FHIT: variants seen among roughly 807,000 people sequenced by gnomAD.
The protein encoded by FHIT is bis(5'-adenosyl)-triphosphatase.
Under a neutral mutation model 17.9 loss-of-function variants are expected in FHIT, and 19 were observed. That is an observed-to-expected ratio of 1.06 (90% CI 0.74 to 1.56). FHIT has a LOEUF of 1.56. Ranked by LOEUF, FHIT falls within the 40% of genes most tolerant of loss-of-function variation. The probability of loss-of-function intolerance (pLI) is 0.00; values close to 1 mark genes in which losing one functional copy is unlikely to be tolerated. For missense variants in FHIT, 248 were observed against 189.2 expected, an observed-to-expected ratio of 1.31 and a Z score of -1.82; for synonymous variants, 81 against 69.7, an observed-to-expected ratio of 1.16 and a Z score of -0.81.
At chr3:60,571,107 C>T (rs997274088) in intron 4 of FHIT, among the ~76,000 whole-genome samples, 6 of 151,942 alleles carry the variant, frequency 3.9e-5, no homozygotes, top group African/African-American at 2.4e-5. Flanking sequence ...GCAGGTAGAT[C>T]ACATGAGGTC....
intron 3 of FHIT, among the ~76,000 whole-genome samples, chr3:61,041,622 A>C (rs1428579515): frequency 6.6e-6 from 1 of 152,056 alleles, no homozygotes; most frequent in Middle Eastern, 3.2e-3. Context: ...CTCCTTACGA[A>C]GATAGAAATG....
At chr3:60,489,104 A>G (rs954116007) in intron 5 of FHIT, among the ~76,000 whole-genome samples, 4 of 152,178 alleles carry the variant, frequency 2.6e-5, no homozygotes, top group African/African-American at 9.6e-5. Flanking sequence ...TATTTAATAA[A>G]TAGCATTCAT....
intron 4 of FHIT, among the ~76,000 whole-genome samples, chr3:60,785,934 C>CACACACACACACACACACACACACACAG (rs139392863): frequency 7.3e-6 from 1 of 137,892 alleles, no homozygotes; most frequent in Admixed American, 7.3e-5. Context: ...CACACACACA[C>CACACACACACACACACACACACACACAG]AGAGAGAGTA....
intron 8 of FHIT, among the ~76,000 whole-genome samples, chr3:59,876,426 A>AGGGG (rs1703163102): frequency 6.6e-6 from 1 of 152,120 alleles, no homozygotes; most frequent in East Asian, 1.9e-4. Context: ...GGCCACTGGG[A>AGGGG]CAGGGGCAGG....
chr3:60,690,138 T>C (rs1281585283), intron 4 of FHIT: 6 of 407,080 alleles, frequency 1.5e-5, no homozygotes, highest in African/African-American at 2.1e-5. Flanking sequence ...GATTCTAGGA[T>C]ACTGCGAGCA....
chr3:60,207,813 T>C (rs1703271278), intron 5 of FHIT, among the ~76,000 whole-genome samples: 1 of 152,202 alleles, frequency 6.6e-6, no homozygotes, highest in African/African-American at 2.4e-5. Flanking sequence ...AAACTCAAGA[T>C]ACTGGTTGGT....
At chr3:60,370,595 T>A (rs1306370001) in intron 5 of FHIT, among the ~76,000 whole-genome samples, 5 of 152,204 alleles carry the variant, frequency 3.3e-5, no homozygotes, top group African/African-American at 1.2e-4. Flanking sequence ...CTGCACTATG[T>A]ACCTAGTCAC....
intron 8 of FHIT, among the ~76,000 whole-genome samples, chr3:59,820,857 T>C (rs912777574): frequency 1.3e-5 from 2 of 152,082 alleles, no homozygotes; most frequent in Non-Finnish European, 2.9e-5. Context: ...AGCACAGAAG[T>C]TGTGACTGAC....
chr3:60,793,023 G>A (rs371494277), intron 4 of FHIT, among the ~76,000 whole-genome samples: 1 of 152,060 alleles, frequency 6.6e-6, no homozygotes, highest in Non-Finnish European at 1.5e-5. Context: ...CTAAAGCAGG[G>A]GCTGAAGTCA....
chr3:61,089,696 G>A (rs1202888945), intron 2 of FHIT, among the ~76,000 whole-genome samples: 2 of 152,190 alleles, frequency 1.3e-5, no homozygotes. Flanking sequence ...TAGGATAGCA[G>A]TTGTCATTTC....
intron 5 of FHIT, among the ~76,000 whole-genome samples, chr3:60,474,858 C>G (rs981830335): frequency 1.3e-5 from 2 of 152,080 alleles, no homozygotes; most frequent in Non-Finnish European, 2.9e-5. Flanking sequence ...CCTGACCTAA[C>G]CTGATCTGCC....
rs142957441 is a variant in FHIT at position 60,604,708 on chromosome 3, T to C, written c.-17-67729A>G. On this transcript the variant is annotated intron_variant, in intron 4 of 9. Transcript: ENST00000492590. ...AAAAAACCGAGGTTCCCACTCTTGG[T>C]GTCCTAAGTGATCAGCCACAGGAAG... Among the ~76,000 whole-genome samples, 70 of 152,312 alleles carry C rather than the reference T, an allele frequency of 4.6e-4. 2 individuals are homozygous for C. The East Asian group carries it at 0.013, about 29-fold the overall frequency.
At chr3:60,499,391 C>A (rs576418188) in intron 5 of FHIT, among the ~76,000 whole-genome samples, 1 of 152,218 alleles carries the variant, frequency 6.6e-6, no homozygotes, top group African/African-American at 2.4e-5. Flanking sequence ...GCTTCACCCC[C>A]ACAGGTCTTC....
intron 5 of FHIT, among the ~76,000 whole-genome samples, chr3:60,294,830 G>A (rs745375958): frequency 3.9e-5 from 6 of 152,170 alleles, no homozygotes; most frequent in Non-Finnish European, 5.9e-5. Context: ...GCTCAGTGAA[G>A]TTCTCTGGAG....
At chr3:59,902,106 C>T (rs1440972540) in intron 8 of FHIT, among the ~76,000 whole-genome samples, 1 of 152,094 alleles carries the variant, frequency 6.6e-6, no homozygotes, top group Admixed American at 6.6e-5. Context: ...TAGTACCCTC[C>T]CCTGTAAAAT....
chr3:60,228,966 G>A (rs1303741665), intron 5 of FHIT, among the ~76,000 whole-genome samples: 13 of 152,142 alleles, frequency 8.5e-5, no homozygotes, highest in Non-Finnish European at 1.3e-4. Flanking sequence ...GCCACTAAGT[G>A]GCAGAGGTGA....
chr3:60,894,092 A>G (rs9874497), intron 3 of FHIT, among the ~76,000 whole-genome samples: 3,365 of 152,250 alleles, frequency 0.022, 122 homozygotes, highest in African/African-American at 0.077. Flanking sequence ...AACATTTAGC[A>G]TGCTTTTTAT....
In FHIT at chr3:60,550,064, T is replaced by A. The variant is rs80265595; in HGVS notation, c.-17-13085A>T. On this transcript the variant is annotated intron_variant, in intron 4 of 9. Transcript: ENST00000492590. ...ACTTAAACACTAGGGGCTCAATTGT[T>A]AACCAAGAATGTAAATGAGCTTATT... Among the ~76,000 whole-genome samples, 1,253 of 152,258 alleles carry A rather than the reference T, an allele frequency of 8.2e-3. 26 individuals carry two copies. Among genetic ancestry groups the A allele is most frequent in the African/African-American group, 0.029 (1,199 of 41,558 alleles).
intron 5 of FHIT, among the ~76,000 whole-genome samples, chr3:60,217,012 A>G (rs1393676183): frequency 6.6e-6 from 1 of 152,218 alleles, no homozygotes; most frequent in Admixed American, 6.5e-5. Flanking sequence ...AAGGAGGAGA[A>G]GTGTGATAGT....
Sources: gnomAD v4.1 joint callset for allele counts (sites outside exome capture counted in the v4.1 genomes callset) on GRCh38, gnomAD v4.1.1 for gene constraint, MANE v1.5 for transcripts, NCBI Gene and HGNC (gene_info 2026-07-23, HGNC 2026-07-21) for gene names.